LEMD2: variants seen among roughly 807,000 people sequenced by gnomAD.
LEMD2 encodes LEM domain-containing protein 2.
LEMD2 carries 34 observed loss-of-function variants against 58.8 expected under a neutral mutation model. The observed-to-expected ratio is 0.58, with a 90% CI of 0.44 to 0.77. LEMD2 has a LOEUF of 0.77. Among genes scored for constraint, LEMD2 ranks in the 30% least tolerant of loss-of-function variants. The pLI is 0.00. For synonymous variants in LEMD2, 298 were observed against 308.9 expected, an observed-to-expected ratio of 0.96 and a Z score of 0.37; for missense variants, 629 against 717.9, an observed-to-expected ratio of 0.88 and a Z score of 1.42.
intron 4 of LEMD2, among the ~76,000 whole-genome samples, chr6:33,780,512 G>A (rs1279914046): frequency 6.6e-6 from 1 of 152,210 alleles, no homozygotes; most frequent in Non-Finnish European, 1.5e-5. Flanking sequence ...CGTTGTGGCT[G>A]GGGGTGGGTG....
chr6:33,785,948 G>C (rs1191237517), intron 2 of LEMD2, among the ~76,000 whole-genome samples: 1 of 152,224 alleles, frequency 6.6e-6, no homozygotes, highest in African/African-American at 2.4e-5. Context: ...AGTCAATGCA[G>C]GGCTGGCCAG....
At chr6:33,783,052 T>C (rs1262911206) in intron 3 of LEMD2, among the ~76,000 whole-genome samples, 1 of 152,212 alleles carries the variant, frequency 6.6e-6, no homozygotes, top group Non-Finnish European at 1.5e-5. Context: ...TCAAATCCCC[T>C]GGGGATCTTA....
Position 33,788,493 on chromosome 6 carries a change from G to T in LEMD2, c.624C>A (p.Arg208=). ...CCCAGAGCAGAAGCCGAGAGAGCCA[G>T]CGCTCCAGCCGGCGCCCCACCTCAG... is the stretch of plus-strand genomic sequence containing the variant. ...ARPEVGRRLE[R]WLSRLLLWAS... Residue 208 remains arginine (R), a synonymous_variant, in exon 1 of 9, where the codon CGC becomes CGA. Coordinates refer to ENST00000293760, the MANE Select transcript of LEMD2 (RefSeq NM_181336.4). The T allele has an allele frequency of 6.5e-7, 1 of 1,546,928 alleles. No homozygotes were observed.
chr6:33,788,284 G>T, intron 1 of LEMD2, 97 bp downstream of exon 1: 2 of 1,282,454 alleles, frequency 1.6e-6, no homozygotes, highest in Non-Finnish European at 2.1e-6. Flanking sequence ...CAGCTGACAA[G>T]GCCGGAAGTG....
Position 33,778,172 on chromosome 6 carries a change from T to G in LEMD2, c.1156+70A>C. The G allele has an allele frequency of 7.0e-7, 1 of 1,425,304 alleles. No individual in the cohort carries two copies. Among genetic ancestry groups the G allele is most frequent in the Non-Finnish European group, 9.3e-7 (1 of 1,071,000 alleles). 88.3% of individuals were successfully genotyped at this position (1,425,304 alleles called of 1,614,324 possible). A position where few individuals can be genotyped will look rare whatever the true frequency, so the allele number is the denominator to read the frequency against. ...GAACCCTCCGGGCCTGGAATTTCTA[T>G]AGCTCATCATTCATGCCTAGGAGTA... On this transcript the variant is annotated intron_variant, in intron 6 of 8. Coordinates refer to ENST00000293760, the MANE Select transcript of LEMD2 (RefSeq NM_181336.4). This position sits in a 1 kb window ranked among gnomAD's most constrained non-coding sequence, Gnocchi z 4.7.
At position 33,772,585 on chromosome 6, in the gene LEMD2, T is replaced by C. The variant is rs766279601; in HGVS notation, c.*43A>G. ...ACCCTCCTGTGCCTCTGGAGTGGGC[T>C]GTCCTGGGACAGGCTGACCGGGAAC... On this transcript the variant is annotated 3_prime_UTR_variant, in exon 9 of 9. Transcript: ENST00000293760. 1 of 1,586,030 alleles carries C rather than the reference T, an allele frequency of 6.3e-7. No homozygotes were observed. Among genetic ancestry groups the C allele is most frequent in the East Asian group, 2.2e-5 (1 of 44,568 alleles).
intron 2 of LEMD2, 22 bp from the exon 3 acceptor site, chr6:33,784,449 G>A: frequency 1.2e-6 from 1 of 840,042 alleles, no homozygotes; most frequent in Non-Finnish European, 1.8e-6. Flanking sequence ...CGGGACAAGT[G>A]GTCAGCAAGG....
At chr6:33,781,234 A>G in intron 3 of LEMD2, 81 bp from the exon 4 acceptor site, 1 of 890,758 alleles carries the variant, frequency 1.1e-6, no homozygotes, top group South Asian at 1.4e-5. Flanking sequence ...GCAAGAATCA[A>G]GCCATCAGCT....
intron 3 of LEMD2, 95 bp downstream of exon 3, chr6:33,784,257 C>T (rs972390806): frequency 3.2e-5 from 31 of 978,156 alleles, no homozygotes; most frequent in South Asian, 7.9e-5. Context: ...GGGAGTGTCT[C>T]GCTGGCCAGC....
rs1261427294 is a variant in LEMD2 at position 33,778,337 on chromosome 6, A to G, written c.1061T>C (p.Val354Ala). The G allele has an allele frequency of 1.2e-6, 2 of 1,605,214 alleles. No homozygotes were observed. The highest frequency in any genetic ancestry group is 1.7e-6 in the Non-Finnish European group (2 of 1,175,114). ...GCGGGGGTGGGCAGATTCCAGGCAG[A>G]CCACCTTGTCCACAGTCGTCACCAA... ...SELVTTVDKV[V>A]CLESAHPRMG... The change falls in exon 6 of 9, where the codon GTC becomes GCC. Residue 354 changes from valine to alanine, a missense_variant. Physicochemically the swap from Val to Ala is moderately conservative, Grantham distance 64. Around this residue, in one of 2 missense-constraint regions of LEMD2, gnomAD observed 243 missense variants for 336.8 expected, o/e 0.72. Coordinates refer to ENST00000293760, the MANE Select transcript of LEMD2 (RefSeq NM_181336.4). The surrounding 1 kb of genome is among the most constrained non-coding windows in gnomAD (Gnocchi z 4.7).
Position 33,781,027 on chromosome 6 carries a change from G to C in LEMD2, c.930+50C>G, listed in dbSNP as rs983145826. ...CCCAACAGGGCTTGAAAGACCAATA[G>C]GAAAGCACCAGGCCCTCCCAGGAAT... On this transcript the variant is annotated intron_variant, in intron 4 of 8. Coordinates refer to ENST00000293760, the MANE Select transcript of LEMD2 (RefSeq NM_181336.4). 3.1e-6 allele frequency: 4 copies of C among 1,296,062 alleles called. No homozygotes were observed. The African/African-American group carries it at 4.4e-5, about 14-fold the overall frequency. 80.3% of individuals were successfully genotyped at this position (1,296,062 alleles called of 1,614,324 possible).
At position 33,781,078 on chromosome 6, in the gene LEMD2, G is replaced by A. The variant is rs1767554846; in HGVS notation, c.929C>T (p.Ala310Val). The A allele has an allele frequency of 6.2e-7, 1 of 1,607,442 alleles. No homozygotes were observed. The highest frequency in any genetic ancestry group is 8.5e-7 in the Non-Finnish European group (1 of 1,174,092). ...IPVMEAQEYI[A>V]NVTSSSSAKF... Reference sequence around the variant, plus strand: ...GTATAAGCACTGAAGCCTACTTACGGCTATATATTCTTGGGCTTCCATAAC... The same window carrying A: ...GTATAAGCACTGAAGCCTACTTACGACTATATATTCTTGGGCTTCCATAAC... Residue 310 changes from alanine to valine, a missense_variant and splice_region_variant, in exon 4 of 9, where the codon GCC becomes GTC. This residue lies in a region of LEMD2 where 243 missense variants were observed against 336.8 expected (regional missense o/e 0.72). Transcript: ENST00000293760.
intron 6 of LEMD2, 118 bp from the exon 7 acceptor site, chr6:33,777,357 CTA>C (rs1347883886): frequency 2.1e-5 from 16 of 775,576 alleles, no homozygotes; most frequent in Non-Finnish European, 3.5e-5. Flanking sequence ...TGGGTACCTA[CTA>C]TGTGTCAGGC....
In LEMD2 at chr6:33,788,575, G is replaced by C. The variant is rs1582265847; in HGVS notation, c.542C>G (p.Pro181Arg). Residue 181 changes from proline (P) to arginine (R), a missense_variant, in exon 1 of 9, where the codon CCG (proline) becomes CGG (arginine). Around this residue, in one of 2 missense-constraint regions of LEMD2, gnomAD observed 386 missense variants for 381.1 expected, o/e 1.01. Transcript: ENST00000293760. The stretch of plus-strand genomic sequence containing the variant: ...TCGAGTCGCCCGCAGGCCCGGGCGC[G>C]GGTCGGGACCGAGGAGGGAGGAAGG... ...RLPSSLLGPD[P>R]RPGLRATRAG... The C allele has an allele frequency of 8.2e-6, 11 of 1,346,412 alleles. No individual in the cohort carries two copies. The East Asian group carries it at 2.8e-4, about 34-fold the overall frequency. The allele number at this position is 1,346,412 out of a possible 1,614,324, so 83.4% of individuals were successfully genotyped here. A position where few individuals can be genotyped will look rare whatever the true frequency, so the allele number is the denominator to read the frequency against.
At chr6:33,780,308 C>T (rs1741873546) in intron 4 of LEMD2, 129 bp from the exon 5 acceptor site, 3 of 803,678 alleles carry the variant, frequency 3.7e-6, no homozygotes, top group Admixed American at 4.1e-5. Flanking sequence ...CTGCTAAAAG[C>T]ACAGCAAAGT....
At chr6:33,777,841 TC>T (rs1236634484) in intron 6 of LEMD2, among the ~76,000 whole-genome samples, 1 of 152,170 alleles carries the variant, frequency 6.6e-6, no homozygotes, top group East Asian at 1.9e-4. Context: ...TATCTGTAGC[TC>T]TCCAGGAGAT....
At chr6:33,786,240 T>C (rs1026293127) in intron 2 of LEMD2, among the ~76,000 whole-genome samples, 1 of 93,084 alleles carries the variant, frequency 1.1e-5, no homozygotes, top group Non-Finnish European at 2.5e-5. Flanking sequence ...CAAATCTAAA[T>C]GTAGACTAAG....
Position 33,788,362 on chromosome 6 carries a change from G to A in LEMD2, c.736+19C>T. 6.5e-7 allele frequency: 1 copy of A among 1,539,722 alleles called. No homozygotes were observed. The highest frequency in any genetic ancestry group is 8.8e-7 in the Non-Finnish European group (1 of 1,142,458). On this transcript the variant is annotated intron_variant, in intron 1 of 8. Coordinates refer to ENST00000293760, the MANE Select transcript of LEMD2 (RefSeq NM_181336.4). Reference sequence around the variant, plus strand: ...ACACGCGCGCCCAGGGCCCTCCCCTGCGCCGGCCCAGGACGTACTGTTGTC... The same window carrying A: ...ACACGCGCGCCCAGGGCCCTCCCCTACGCCGGCCCAGGACGTACTGTTGTC...
intron 3 of LEMD2, 49 bp downstream of exon 3, chr6:33,784,303 G>A (rs373287291): frequency 9.2e-6 from 13 of 1,418,282 alleles, no homozygotes; most frequent in Non-Finnish European, 1.3e-5. Flanking sequence ...CGGGTCAGCC[G>A]CCCATAGCTC....
Sources: gnomAD v4.1 joint callset for allele counts (sites outside exome capture counted in the v4.1 genomes callset) on GRCh38, gnomAD v4.1.1 for gene constraint, gnomAD v4.1.1 regional missense constraint, Gnocchi (gnomAD v3.1) non-coding constraint, MANE v1.5 for transcripts, NCBI Gene and HGNC (gene_info 2026-07-23, HGNC 2026-07-21) for gene names.